The following DHCR7 variants were observed in gnomAD, a reference collection of about 807,000 sequenced individuals.
DHCR7 encodes the protein 7-DHC reductase.
In DHCR7, 40 loss-of-function variants were observed where a neutral mutation model predicts 43.3. The observed-to-expected ratio is 0.92, with a 90% CI of 0.72 to 1.20. The LOEUF (loss-of-function observed/expected upper bound fraction) is 1.20. Ranked by LOEUF, DHCR7 falls within the 50% of genes most tolerant of loss-of-function variation. The pLI is 0.00. For missense variants in DHCR7, 608 were observed against 644.6 expected, an observed-to-expected ratio of 0.94 and a Z score of 0.62; for synonymous variants, 298 against 271.4, an observed-to-expected ratio of 1.10 and a Z score of -0.96.
At chr11:71,438,801 G>T in intron 7 of DHCR7, 78 bp downstream of exon 7, 1 of 1,441,748 alleles carries the variant, frequency 6.9e-7, no homozygotes, top group Non-Finnish European at 9.7e-7. Context: ...TTAAGGTCAT[G>T]GGAATACGCT....
At position 71,434,915 on chromosome 11, in the gene DHCR7, A is replaced by AT; in HGVS notation, c.*459_*460insA. The AT allele has an allele frequency of 2.8e-6, 1 of 360,060 alleles. No individual in the cohort carries two copies. The highest frequency in any genetic ancestry group is 5.5e-6 in the Non-Finnish European group (1 of 182,036). The allele number at this position is 360,060 out of a possible 1,614,324, so 22.3% of individuals were successfully genotyped here. A position where few individuals can be genotyped will look rare whatever the true frequency, so the allele number is the denominator to read the frequency against. On this transcript the variant is annotated 3_prime_UTR_variant, in exon 9 of 9. Transcript: ENST00000355527. ...CCCACGACTGCAGAGCAGGCAGGGG[A>AT]GGGGGATCTAGAGCTGAAAGGCAAT...
At chr11:71,428,738 A>G (rs1591104492) in exon 3 of DHCR7, 1 of 436,102 alleles carries the variant, frequency 2.3e-6, no homozygotes. Flanking sequence ...CCAGGGGGAA[A>G]CAGCCCAGAT....
intron 2 of DHCR7, 26 bp from the exon 3 acceptor site, chr11:71,444,984 A>G (rs762839017): frequency 4.4e-6 from 7 of 1,592,432 alleles, no homozygotes; most frequent in South Asian, 1.1e-5. Context: ...CCTTGCTTAC[A>G]TTATCCCTCA....
intron 7 of DHCR7, chr11:71,438,671 C>A: frequency 1.6e-6 from 1 of 633,074 alleles, no homozygotes; most frequent in Non-Finnish European, 2.8e-6. Context: ...AACCTGCCTC[C>A]TCCCCTCCCA....
Position 71,435,379 on chromosome 11 carries a change from A to G in DHCR7, c.1424T>C (p.Phe475Ser), listed in dbSNP as rs1478872904. ...AVPYRLLPGI[F>S] ...GCTTCTCCCTAGGGCGTGCCCTTAG[A>G]AGATTCCAGGCAGCAGGCGGTAAGG... Residue 475 changes from phenylalanine to serine, a missense_variant, in exon 9 of 9, where the codon TTC (phenylalanine) becomes TCC (serine). Phe to Ser is a radical substitution (Grantham distance 155). Coordinates refer to ENST00000355527, the MANE Select transcript of DHCR7 (RefSeq NM_001360.3). 5 of 1,612,098 alleles carry G rather than the reference A, an allele frequency of 3.1e-6. No homozygotes were observed. Among genetic ancestry groups the G allele is most frequent in the Non-Finnish European group, 3.4e-6 (4 of 1,179,986 alleles).
intron 6 of DHCR7, among the ~76,000 whole-genome samples, chr11:71,439,851 C>T (rs191646698): frequency 6.6e-6 from 1 of 152,284 alleles, no homozygotes; most frequent in East Asian, 1.9e-4. Context: ...CATTGAAGGC[C>T]AGCCTCGTTA....
chr11:71,444,365 C>A lies in DHCR7; in HGVS notation c.99-150G>T, dbSNP rs752361011. The stretch of plus-strand genomic sequence containing the variant: ...TAGCTCCTAGCACGGGCCCTCCTTG[C>A]GGCCAGGGAAGCCACTCAACATGCC... On this transcript the variant is annotated intron_variant, in intron 3 of 8. Coordinates refer to ENST00000355527, the MANE Select transcript of DHCR7 (RefSeq NM_001360.3). The A allele has an allele frequency of 1.9e-5, 13 of 688,000 alleles. 1 individual carries two copies. The highest frequency in any genetic ancestry group is 4.9e-5 in the South Asian group (3 of 61,758). 42.6% of individuals were successfully genotyped at this position (688,000 alleles called of 1,614,324 possible). A position where few individuals can be genotyped will look rare whatever the true frequency, so the allele number is the denominator to read the frequency against.
At chr11:71,435,918 C>G (rs759013440) in intron 8 of DHCR7, 79 bp from the exon 9 acceptor site, 1 of 1,244,782 alleles carries the variant, frequency 8.0e-7, no homozygotes, top group Non-Finnish European at 1.1e-6. Flanking sequence ...GGCCCAGCGG[C>G]CTGGGGTCAA....
At chr11:71,433,933 C>A (rs572430055), downstream of DHCR7, among the ~76,000 whole-genome samples, 1 of 152,188 alleles carries the variant, frequency 6.6e-6, no homozygotes, top group African/African-American at 2.4e-5. Flanking sequence ...TCAGCCTGGG[C>A]GGGTCACAGT....
chr11:71,438,986 G>A lies in DHCR7; in HGVS notation c.724C>T (p.Arg242Cys), dbSNP rs80338856. 1.9e-4 allele frequency: 309 copies of A among 1,613,974 alleles called. No homozygotes were observed. Among genetic ancestry groups the A allele is most frequent in the Non-Finnish European group, 2.4e-4 (281 of 1,180,050 alleles). Residue 242 changes from arginine to cysteine, a missense_variant, in exon 7 of 9, where the codon CGC becomes TGC. Physicochemically the swap from Arg to Cys is radical, Grantham distance 180. Coordinates refer to ENST00000355527, the MANE Select transcript of DHCR7 (RefSeq NM_001360.3). Reference protein sequence around the residue: ...WFDFKLFFNGRPGIVAWTLIN... With the variant: ...WFDFKLFFNGCPGIVAWTLIN... ...AGGGTCCAGGCGACGATCCCGGGGC[G>A]CCCATTGAAGAACAGCTTGAAGTCA...
chr11:71,446,528 G>A (rs891361938), intron 2 of DHCR7, among the ~76,000 whole-genome samples: 1 of 152,234 alleles, frequency 6.6e-6, no homozygotes, highest in East Asian at 1.9e-4. Flanking sequence ...GTAGCTGAAA[G>A]AATGAAAAGT....
chr11:71,441,554 G>T, intron 5 of DHCR7, 114 bp from the exon 6 acceptor site: 2 of 920,050 alleles, frequency 2.2e-6, no homozygotes, highest in Non-Finnish European at 3.5e-6. Flanking sequence ...CTCTGCTGCT[G>T]CGGACCCTCA....
intron 2 of DHCR7, 33 bp from the exon 3 acceptor site, chr11:71,444,991 C>G: frequency 6.3e-7 from 1 of 1,581,074 alleles, no homozygotes; most frequent in Non-Finnish European, 8.7e-7. Context: ...TACATTATCC[C>G]TCAAATAACA....
chr11:71,442,378 AC>A (rs769657777), intron 4 of DHCR7, 25 bp from the exon 5 acceptor site: 13 of 1,577,438 alleles, frequency 8.2e-6, no homozygotes, highest in Non-Finnish European at 1.1e-5. Flanking sequence ...CAGCCTGATC[AC>A]CCCCCGCCTG....
At chr11:71,444,597 A>G (rs1949387088) in intron 3 of DHCR7, among the ~76,000 whole-genome samples, 1 of 152,160 alleles carries the variant, frequency 6.6e-6, no homozygotes, top group Admixed American at 6.5e-5. Flanking sequence ...ATACCCCCAG[A>G]TGGTGGGAAG....
At chr11:71,436,657 C>T (rs893203775) in intron 8 of DHCR7, among the ~76,000 whole-genome samples, 8 of 66,116 alleles carry the variant, frequency 1.2e-4, no homozygotes, top group East Asian at 7.8e-4. Flanking sequence ...AGCGAGACTC[C>T]GTCTCAAAAA....
downstream of DHCR7, chr11:71,428,122 A>G (rs1279275847): frequency 6.6e-6 from 1 of 152,116 alleles, no homozygotes; most frequent in African/African-American, 2.4e-5. Context: ...AATCTTGTGA[A>G]TTGTGCTAAT....
downstream of DHCR7, among the ~76,000 whole-genome samples, chr11:71,434,235 G>A (rs1374221382): frequency 1.3e-5 from 2 of 152,178 alleles, no homozygotes; most frequent in African/African-American, 2.4e-5. Flanking sequence ...GGGAGGGAGA[G>A]GGGCAGGGTG....
At chr11:71,444,446 C>T (rs1949384691) in intron 3 of DHCR7, among the ~76,000 whole-genome samples, 1 of 152,166 alleles carries the variant, frequency 6.6e-6, no homozygotes, top group Non-Finnish European at 1.5e-5. Flanking sequence ...ATGGAAGGCC[C>T]AGAGCTCAGA....
Sources: allele counts gnomAD v4.1 joint callset (sites outside exome capture counted in the v4.1 genomes callset), GRCh38; gene constraint gnomAD v4.1.1; transcripts MANE v1.5; gene names NCBI Gene and HGNC (gene_info 2026-07-23, HGNC 2026-07-21).